HSDL2: variants seen among roughly 807,000 people sequenced by gnomAD.
HSDL2 encodes hydroxysteroid dehydrogenase like 2.
A neutral mutation model predicts 46.3 loss-of-function variants in HSDL2; 27 were observed. The ratio of observed to expected loss-of-function variants is 0.58; its 90% confidence interval spans 0.43 to 0.80. The LOEUF is 0.80. Ranked by LOEUF, HSDL2 falls within the 30% of genes least tolerant of loss-of-function variation. The pLI is 0.00. For synonymous variants in HSDL2, 153 were observed against 163.6 expected (o/e 0.94, Z 0.50); for missense variants, 451 against 502.7 (o/e 0.90, Z 0.98).
chr9:112,466,002 G>A (rs930879077), intron 10 of HSDL2, among the ~76,000 whole-genome samples: 3 of 152,064 alleles, frequency 2.0e-5, no homozygotes, highest in East Asian at 1.9e-4. Flanking sequence ...CATTCCCAAC[G>A]GCAATGTACA....
chr9:112,450,782 C>T (rs1832867708), intron 8 of HSDL2, among the ~76,000 whole-genome samples: 2 of 151,840 alleles, frequency 1.3e-5, no homozygotes, highest in African/African-American at 4.8e-5. Context: ...AAATATTTTA[C>T]CAGTAGGTTC....
chr9:112,466,919 G>T (rs1833409383), intron 10 of HSDL2, among the ~76,000 whole-genome samples: 1 of 152,168 alleles, frequency 6.6e-6, no homozygotes, highest in Admixed American at 6.5e-5. Flanking sequence ...ACCATTTGTT[G>T]AATAGACTGT....
intron 1 of HSDL2, among the ~76,000 whole-genome samples, chr9:112,394,969 A>G (rs1831425584): frequency 6.6e-6 from 1 of 152,182 alleles, no homozygotes; most frequent in Admixed American, 6.5e-5. Context: ...GAATAATTTT[A>G]TGTAGCAGGT....
intron 6 of HSDL2, among the ~76,000 whole-genome samples, chr9:112,430,840 G>A (rs538015707): frequency 1.1e-4 from 17 of 152,102 alleles, no homozygotes; most frequent in Admixed American, 6.5e-4. Flanking sequence ...ATCACCTGAG[G>A]TCAAGAGTTC....
chr9:112,382,143 C>T (rs1831112861), intron 1 of HSDL2, among the ~76,000 whole-genome samples: 1 of 152,166 alleles, frequency 6.6e-6, no homozygotes, highest in Non-Finnish European at 1.5e-5. Flanking sequence ...CACCTGTAAT[C>T]CCAGCTACTC....
At chr9:112,420,018 T>C (rs1359822774) in intron 6 of HSDL2, among the ~76,000 whole-genome samples, 1 of 152,180 alleles carries the variant, frequency 6.6e-6, no homozygotes, top group East Asian at 1.9e-4. Context: ...GTAATGCCCA[T>C]GAAAACCTTA....
intron 8 of HSDL2, among the ~76,000 whole-genome samples, chr9:112,442,137 C>T (rs1324979707): frequency 1.3e-5 from 2 of 151,652 alleles, no homozygotes. Context: ...GGCGTGGTGG[C>T]ACGAGACTGT....
chr9:112,470,437 C>T lies in HSDL2; in HGVS notation c.1150C>T (p.Leu384=). 3 of 1,606,112 alleles carry T rather than the reference C, an allele frequency of 1.9e-6. No homozygotes were observed. The highest frequency in any genetic ancestry group is 1.7e-6 in the Non-Finnish European group (2 of 1,174,798). The change falls in exon 11 of 11, where the codon CTA becomes TTA. Residue 384 remains leucine, a synonymous_variant. Coordinates refer to ENST00000398805, the MANE Select transcript of HSDL2 (RefSeq NM_032303.5). ...CTCTCATTTTCTCATTTTAGGGAAA[C>T]TAAAACCAACAATGGCATTCATGTC... ...DDFVKMFSGK[L]KPTMAFMSGK... is the part of the protein sequence containing the mutation.
chr9:112,399,092 T>C (rs1425887325), intron 1 of HSDL2, among the ~76,000 whole-genome samples: 9 of 152,090 alleles, frequency 5.9e-5, no homozygotes, highest in Admixed American at 2.0e-4. Context: ...ATGCCAGATA[T>C]TGGGGGAACC....
chr9:112,438,406 A>ATG (rs200883755), intron 6 of HSDL2, 25 bp from the exon 7 acceptor site: 18 of 1,434,444 alleles, frequency 1.3e-5, no homozygotes, highest in South Asian at 2.9e-5. Flanking sequence ...TTATGAGTGT[A>ATG]TGTGTGTGTG....
At chr9:112,425,264 C>G (rs1554712081) in intron 6 of HSDL2, among the ~76,000 whole-genome samples, 2 of 152,010 alleles carry the variant, frequency 1.3e-5, no homozygotes, top group Non-Finnish European at 2.9e-5. Context: ...TGTAATGTTC[C>G]TATCTACTAA....
chr9:112,387,962 C>T (rs1831252943), intron 1 of HSDL2, among the ~76,000 whole-genome samples: 1 of 151,998 alleles, frequency 6.6e-6, no homozygotes, highest in South Asian at 2.1e-4. Context: ...CATTCAAGAC[C>T]AGGCTGGCCA....
chr9:112,401,760 C>G (rs186343319), intron 1 of HSDL2, among the ~76,000 whole-genome samples: 50 of 152,160 alleles, frequency 3.3e-4, no homozygotes, highest in Non-Finnish European at 5.6e-4. Context: ...AATATACAGG[C>G]TGGTTTCTGG....
chr9:112,457,885 T>C (rs1587967968), intron 9 of HSDL2, among the ~76,000 whole-genome samples: 1 of 152,288 alleles, frequency 6.6e-6, no homozygotes, highest in Middle Eastern at 3.4e-3. Context: ...TCCTGAACTA[T>C]CCCAACACCA....
intron 6 of HSDL2, among the ~76,000 whole-genome samples, chr9:112,419,460 A>G (rs1832070401): frequency 6.6e-6 from 1 of 152,192 alleles, no homozygotes; most frequent in African/African-American, 2.4e-5. Context: ...GGCTTAGACT[A>G]CATGAGTGAC....
chr9:112,450,261 C>CCGCG (rs1554714614), intron 8 of HSDL2, among the ~76,000 whole-genome samples: 1 of 130,314 alleles, frequency 7.7e-6, no homozygotes, highest in South Asian at 2.7e-4. Context: ...GAGACCCCCC[C>CCGCG]CCCATCTCTA....
chr9:112,435,103 T>C (rs955080411), intron 6 of HSDL2, among the ~76,000 whole-genome samples: 2 of 152,136 alleles, frequency 1.3e-5, no homozygotes, highest in African/African-American at 4.8e-5. Flanking sequence ...AAAATCTGTG[T>C]TGAGAAATAC....
At chr9:112,436,274 C>T (rs1467721422) in intron 6 of HSDL2, among the ~76,000 whole-genome samples, 1 of 149,262 alleles carries the variant, frequency 6.7e-6, no homozygotes, top group African/African-American at 2.5e-5. Flanking sequence ...AAAATTATTC[C>T]TAGTAAATGA....
intron 2 of HSDL2, 103 bp downstream of exon 2, chr9:112,404,261 A>C (rs1470505239): frequency 3.6e-6 from 4 of 1,104,872 alleles, no homozygotes; most frequent in Non-Finnish European, 3.9e-6. Flanking sequence ...GCTACCCTGA[A>C]CATAATTTTA....
Sources: gnomAD v4.1 joint callset for allele counts (sites outside exome capture counted in the v4.1 genomes callset) on GRCh38, gnomAD v4.1.1 for gene constraint, MANE v1.5 for transcripts, NCBI Gene and HGNC (gene_info 2026-07-23, HGNC 2026-07-21) for gene names.